TENM2: variants seen among roughly 807,000 people sequenced by gnomAD.
The protein encoded by TENM2 is teneurin transmembrane protein 2.
Under a neutral mutation model 245.2 loss-of-function variants are expected in TENM2, and 52 were observed. The ratio of observed to expected loss-of-function variants is 0.21; its 90% CI spans 0.17 to 0.27. TENM2 has a LOEUF of 0.27. Ranked by LOEUF, TENM2 falls within the 10% of genes least tolerant of loss-of-function variation. The pLI, the probability that TENM2 is intolerant of heterozygous loss-of-function variation, is 1.00. For missense variants in TENM2, 3,046 were observed against 3,666.8 expected, an observed-to-expected ratio of 0.83 and a Z score of 4.37; for synonymous variants, 1,363 against 1,438.9, an observed-to-expected ratio of 0.95 and a Z score of 1.19.
At chr5:167,668,629 C>A (rs1028390369) in intron 2 of TENM2, among the ~76,000 whole-genome samples, 1 of 152,076 alleles carries the variant, frequency 6.6e-6, no homozygotes, top group Non-Finnish European at 1.5e-5. Context: ...TTCTGAGAGA[C>A]CATGAATGAG....
At chr5:167,880,974 C>G (rs1583270124) in intron 3 of TENM2, among the ~76,000 whole-genome samples, 1 of 152,288 alleles carries the variant, frequency 6.6e-6, no homozygotes, top group Non-Finnish European at 1.5e-5. Flanking sequence ...TCCTGACAGC[C>G]TCATAGAGGT....
chr5:167,853,438 GT>G (rs949530269), intron 2 of TENM2, among the ~76,000 whole-genome samples: 1 of 151,944 alleles, frequency 6.6e-6, no homozygotes, highest in African/African-American at 2.4e-5. Context: ...AATAAATAAG[GT>G]TCTGTGACCC....
At chr5:167,658,826 T>C (rs909228878) in intron 2 of TENM2, among the ~76,000 whole-genome samples, 6 of 152,184 alleles carry the variant, frequency 3.9e-5, no homozygotes, top group Admixed American at 1.3e-4. Flanking sequence ...AGAAAGATCA[T>C]GTAGCAAGAA....
At chr5:167,696,757 G>T (rs764101189) in intron 2 of TENM2, among the ~76,000 whole-genome samples, 1 of 152,072 alleles carries the variant, frequency 6.6e-6, no homozygotes, top group African/African-American at 2.4e-5. Flanking sequence ...ACACTTTGTC[G>T]GAGAGACTCG....
chr5:167,104,730 A>T, the TENM2 span, among the ~76,000 whole-genome samples: 6 of 152,200 alleles, frequency 3.9e-5, no homozygotes, highest in Non-Finnish European at 8.8e-5. Flanking sequence ...TGGAAGAAGA[A>T]GTCATATACC....
the TENM2 span, among the ~76,000 whole-genome samples, chr5:167,201,752 C>T: frequency 6.6e-6 from 1 of 152,024 alleles, no homozygotes; most frequent in African/African-American, 2.4e-5. Flanking sequence ...TATGATTAGT[C>T]TCCATTTTCT....
intron 9 of TENM2, among the ~76,000 whole-genome samples, chr5:168,106,467 C>T (rs143533324): frequency 4.6e-5 from 7 of 152,264 alleles, no homozygotes; most frequent in East Asian, 1.9e-4. Context: ...CATTTATAGA[C>T]GATTATCATC....
the TENM2 span, among the ~76,000 whole-genome samples, chr5:167,022,627 AG>A: frequency 6.6e-6 from 1 of 152,370 alleles, no homozygotes; most frequent in Non-Finnish European, 1.5e-5. Flanking sequence ...GATTTTACAT[AG>A]AAATACACTT....
intron 2 of TENM2, among the ~76,000 whole-genome samples, chr5:167,709,426 T>C (rs899004494): frequency 7.2e-5 from 11 of 152,234 alleles, no homozygotes; most frequent in African/African-American, 2.7e-4. Context: ...GTGTTGTCTC[T>C]TCCCTGACAG....
chr5:167,754,278 C>A (rs559540421), intron 2 of TENM2, among the ~76,000 whole-genome samples: 2 of 152,066 alleles, frequency 1.3e-5, no homozygotes, highest in Non-Finnish European at 2.9e-5. Flanking sequence ...CTTTCCAGTA[C>A]AGGAAAGGAA....
chr5:167,469,767 T>C (rs1766895854), intron 2 of TENM2, among the ~76,000 whole-genome samples: 1 of 152,118 alleles, frequency 6.6e-6, no homozygotes, highest in South Asian at 2.1e-4. Flanking sequence ...GAGATGAGGA[T>C]TTTTTAGCTG....
At chr5:168,140,820 G>T (rs554644760) in intron 12 of TENM2, among the ~76,000 whole-genome samples, 1 of 152,218 alleles carries the variant, frequency 6.6e-6, no homozygotes, top group Non-Finnish European at 1.5e-5. Flanking sequence ...GTCTTTCCCT[G>T]ACAGAGCTAG....
intron 2 of TENM2, among the ~76,000 whole-genome samples, chr5:167,731,087 A>G (rs185860332): frequency 6.6e-6 from 1 of 152,120 alleles, no homozygotes; most frequent in Non-Finnish European, 1.5e-5. Context: ...AAGGCAACAT[A>G]CACCTGATCA....
At chr5:168,233,146 T>C (rs899462658) in intron 25 of TENM2, among the ~76,000 whole-genome samples, 5 of 151,990 alleles carry the variant, frequency 3.3e-5, no homozygotes, top group South Asian at 2.1e-4. Flanking sequence ...AACAAAATGG[T>C]GAAACCCCAT....
chr5:168,002,877 G>A (rs1175681172), intron 5 of TENM2, among the ~76,000 whole-genome samples: 1 of 152,162 alleles, frequency 6.6e-6, no homozygotes, highest in Non-Finnish European at 1.5e-5. Context: ...GCTGAAATCT[G>A]CAGGCCAGCC....
chr5:167,268,530 G>C, the TENM2 span, among the ~76,000 whole-genome samples: 454 of 152,268 alleles, frequency 3.0e-3, 13 homozygotes, highest in East Asian at 0.057. Flanking sequence ...CTCATCTGCT[G>C]TAAGATTCTT....
At chr5:167,809,192 G>A (rs919070738) in intron 2 of TENM2, among the ~76,000 whole-genome samples, 41 of 152,120 alleles carry the variant, frequency 2.7e-4, no homozygotes, top group African/African-American at 9.2e-4. Flanking sequence ...TCTTGCTCCC[G>A]AGAAGAGAGT....
chr5:167,900,146 T>G lies in TENM2; in HGVS notation c.712+23951T>G, dbSNP rs372172823. 4.1e-4 allele frequency among the ~76,000 whole-genome samples: 31 copies of G among 74,842 alleles called. 1 individual carries two copies. Among genetic ancestry groups the G allele is most frequent in the East Asian group, 2.6e-3 (4 of 1,510 alleles). 49.1% of individuals were successfully genotyped at this position (74,842 alleles called of 152,430 possible). On this transcript the variant is annotated intron_variant, in intron 3 of 28. Coordinates refer to ENST00000518659, the Ensembl canonical transcript of TENM2. ...AAAAAAAAAAAAAGGGGGGGGGGGTTTTGGAAAGGAAAGGAATGATATCTT... is the reference window on the plus strand; with the variant it reads ...AAAAAAAAAAAAAGGGGGGGGGGGTGTTGGAAAGGAAAGGAATGATATCTT...
intron 2 of TENM2, among the ~76,000 whole-genome samples, chr5:167,492,583 T>C (rs1233981388): frequency 6.6e-6 from 1 of 152,154 alleles, no homozygotes; most frequent in African/African-American, 2.4e-5. Flanking sequence ...TTATAGAATT[T>C]ACATGGCTAT....
Sources: gnomAD v4.1 joint callset for allele counts (sites outside exome capture counted in the v4.1 genomes callset) on GRCh38, gnomAD v4.1.1 for gene constraint, MANE v1.5 for transcripts, NCBI Gene and HGNC (gene_info 2026-07-23, HGNC 2026-07-21) for gene names.